SLC8A1: variants seen among roughly 807,000 people sequenced by gnomAD.
The protein encoded by SLC8A1 is sodium/calcium exchanger 1.
In SLC8A1, 18 loss-of-function variants were observed where a neutral mutation model predicts 68.3. The ratio of observed to expected loss-of-function variants is 0.26; its 90% CI spans 0.18 to 0.39. The LOEUF (loss-of-function observed/expected upper bound fraction) is 0.39, where lower values mean the gene tolerates loss of function less well. SLC8A1 is among the 10% of genes least tolerant of loss of function. The pLI, the probability that SLC8A1 is intolerant of heterozygous loss-of-function variation, is 1.00. For synonymous variants in SLC8A1, 475 were observed against 415.5 expected, an observed-to-expected ratio of 1.14 and a Z score of -1.74; for missense variants, 985 against 1,156.7, an observed-to-expected ratio of 0.85 and a Z score of 2.15.
At chr2:40,239,659 A>G (rs2148954606) in intron 2 of SLC8A1, among the ~76,000 whole-genome samples, 1 of 152,270 alleles carries the variant, frequency 6.6e-6, no homozygotes, top group Admixed American at 6.5e-5. Context: ...CAGCCTGGGC[A>G]ACAGAGCAAG....
intron 2 of SLC8A1, among the ~76,000 whole-genome samples, chr2:40,357,969 T>C (rs1673259280): frequency 6.6e-6 from 1 of 151,158 alleles, no homozygotes; most frequent in Non-Finnish European, 1.5e-5. Context: ...CTGATGTGTT[T>C]GTATAAAAAG....
At chr2:40,397,695 C>A (rs1234244565) in intron 2 of SLC8A1, among the ~76,000 whole-genome samples, 1 of 152,222 alleles carries the variant, frequency 6.6e-6, no homozygotes, top group East Asian at 1.9e-4. Context: ...ACAAGTGGCA[C>A]AAAGCATTCA....
chr2:40,298,927 C>A (rs533788353), intron 2 of SLC8A1, among the ~76,000 whole-genome samples: 1 of 152,278 alleles, frequency 6.6e-6, no homozygotes, highest in South Asian at 2.1e-4. Flanking sequence ...TCCTTGCTGA[C>A]CCCACCCCTT....
chr2:40,399,366 G>A (rs901958936), intron 2 of SLC8A1, among the ~76,000 whole-genome samples: 1 of 151,380 alleles, frequency 6.6e-6, no homozygotes, highest in Non-Finnish European at 1.5e-5. Context: ...TAGGATCAGA[G>A]AAGTTTGGGG....
intron 4 of SLC8A1, among the ~76,000 whole-genome samples, chr2:40,166,779 G>C (rs1427995065): frequency 2.0e-5 from 3 of 152,192 alleles, no homozygotes; most frequent in Non-Finnish European, 2.9e-5. Flanking sequence ...GTTATTAGTA[G>C]TTTTCATAGC....
At chr2:40,288,849 A>ATATATATATATATATATATATG (rs1553476848) in intron 2 of SLC8A1, among the ~76,000 whole-genome samples, 10 of 138,766 alleles carry the variant, frequency 7.2e-5, no homozygotes, top group African/African-American at 2.9e-4. Context: ...ATATATATAT[A>ATATATATATATATATATATATG]TATGTATATA....
At chr2:40,271,067 C>T (rs2065963057) in intron 2 of SLC8A1, among the ~76,000 whole-genome samples, 1 of 152,166 alleles carries the variant, frequency 6.6e-6, no homozygotes, top group Non-Finnish European at 1.5e-5. Context: ...AGGCTATTTT[C>T]CACACAGTAG....
chr2:40,106,933 A>G (rs1354152669), exon 8 of SLC8A1: 1 of 152,222 alleles, frequency 6.6e-6, no homozygotes, highest in Non-Finnish European at 1.5e-5. Flanking sequence ...TCTTGATAAG[A>G]GAGCTCTGAG....
intron 2 of SLC8A1, among the ~76,000 whole-genome samples, chr2:40,281,419 T>C (rs967886546): frequency 6.6e-6 from 1 of 152,162 alleles, no homozygotes; most frequent in African/African-American, 2.4e-5. Context: ...TGAAAGGTGC[T>C]ATAAACAGAG....
Position 40,200,226 on chromosome 2 carries a change from ATATATATATATAAATATATATAT to A in SLC8A1, c.1809-22394_1809-22372del, listed in dbSNP as rs1558722738. On this transcript the variant is annotated intron_variant, in intron 2 of 7. Transcript: ENST00000406785. ...TATATAAATATATATATATTTTTTT[ATATATATATATAAATATATATAT>A]ATATATATATATATATATAACCTCT... Among the ~76,000 whole-genome samples, 44 of 34,030 alleles carry A rather than the reference ATATATATATATAAATATATATAT, an allele frequency of 1.3e-3. 12 individuals are homozygous for A. The highest frequency in any genetic ancestry group is 2.2e-3 in the Non-Finnish European group (36 of 16,026). 22.3% of individuals were successfully genotyped at this position (34,030 alleles called of 152,430 possible).
intron 2 of SLC8A1, among the ~76,000 whole-genome samples, chr2:40,232,412 G>GTT (rs35194422): frequency 2.6e-4 from 39 of 148,294 alleles, no homozygotes; most frequent in Non-Finnish European, 3.0e-4. Flanking sequence ...TTTGTCTTCA[G>GTT]TTTTTTTTTC....
chr2:40,241,511 A>C (rs1393507498), intron 2 of SLC8A1, among the ~76,000 whole-genome samples: 1 of 152,248 alleles, frequency 6.6e-6, no homozygotes, highest in Non-Finnish European at 1.5e-5. Context: ...CCTTCCTCAC[A>C]GGTATTAAAA....
At chr2:40,430,708 T>G (rs1698088896) in intron 1 of SLC8A1, among the ~76,000 whole-genome samples, 1 of 152,198 alleles carries the variant, frequency 6.6e-6, no homozygotes, top group South Asian at 2.1e-4. Context: ...TCCTTTTTAC[T>G]AAAGCAGATT....
chr2:40,325,400 G>T (rs932513312), intron 2 of SLC8A1, among the ~76,000 whole-genome samples: 1 of 152,176 alleles, frequency 6.6e-6, no homozygotes, highest in East Asian at 1.9e-4. Context: ...CAGTGGAGCA[G>T]ATAAATAACT....
At chr2:40,108,834 G>T (rs2034385632) in exon 8 of SLC8A1, 1 of 152,106 alleles carries the variant, frequency 6.6e-6, no homozygotes, top group South Asian at 2.1e-4. Flanking sequence ...TCACATTAGA[G>T]GGAGGGCCAA....
intron 2 of SLC8A1, among the ~76,000 whole-genome samples, chr2:40,377,186 C>G (rs1274939626): frequency 6.6e-6 from 1 of 152,006 alleles, no homozygotes; most frequent in Non-Finnish European, 1.5e-5. Flanking sequence ...AGAAGAGGGT[C>G]CAGGGCTTCA....
chr2:40,233,285 A>G (rs887985080), intron 2 of SLC8A1, among the ~76,000 whole-genome samples: 7 of 152,126 alleles, frequency 4.6e-5, no homozygotes, highest in African/African-American at 1.7e-4. Context: ...TTTAATGATC[A>G]CCATTCTAAC....
intron 1 of SLC8A1, among the ~76,000 whole-genome samples, chr2:40,432,401 T>TTGTG (rs112824729): frequency 0.09 from 11,562 of 128,708 alleles, 1,261 homozygotes; most frequent in East Asian, 0.37. Flanking sequence ...GAGTGTGAGA[T>TTGTG]TGTGTGTGTG....
At chr2:40,256,609 T>C (rs1396039162) in intron 2 of SLC8A1, among the ~76,000 whole-genome samples, 1 of 152,228 alleles carries the variant, frequency 6.6e-6, no homozygotes, top group African/African-American at 2.4e-5. Flanking sequence ...TCCATAATAA[T>C]GCTAAGTAGC....
Sources: gnomAD v4.1 joint callset for allele counts (sites outside exome capture counted in the v4.1 genomes callset) on GRCh38, gnomAD v4.1.1 for gene constraint, MANE v1.5 for transcripts, NCBI Gene and HGNC (gene_info 2026-07-23, HGNC 2026-07-21) for gene names.